Variants in SMOC1 observed in about 807,000 individuals in gnomAD.
The protein encoded by SMOC1 is SPARC related modular calcium binding 1.
SMOC1 carries 22 observed loss-of-function variants against 56.3 expected under a neutral mutation model. The observed-to-expected ratio is 0.39, with a 90% CI of 0.28 to 0.56. The LOEUF (loss-of-function observed/expected upper bound fraction) is 0.56, where lower values mean the gene tolerates loss of function less well. SMOC1 is among the 20% of genes least tolerant of loss of function. SMOC1 has a pLI of 0.61. For missense variants in SMOC1, 509 were observed against 565.4 expected (o/e 0.90, Z 1.01); for synonymous variants, 193 against 215.0 (o/e 0.90, Z 0.89).
intron 7 of SMOC1, among the ~76,000 whole-genome samples, chr14:70,008,086 T>G (rs1421284801): frequency 6.6e-6 from 1 of 152,100 alleles, no homozygotes; most frequent in African/African-American, 2.4e-5. Flanking sequence ...CTATCCCCCA[T>G]TTTTCCAAAT....
At chr14:69,925,763 G>C (rs1233561148) in intron 1 of SMOC1, among the ~76,000 whole-genome samples, 1 of 152,190 alleles carries the variant, frequency 6.6e-6, no homozygotes, top group African/African-American at 2.4e-5. Context: ...ACCTGGAGGG[G>C]TTCACTGTAG....
intron 1 of SMOC1, among the ~76,000 whole-genome samples, chr14:69,882,527 T>C (rs1420576428): frequency 6.6e-6 from 1 of 152,140 alleles, no homozygotes; most frequent in African/African-American, 2.4e-5. Flanking sequence ...AAGCACCTGA[T>C]TTTGGGGTCT....
At chr14:69,993,671 G>A (rs1224433352) in intron 6 of SMOC1, among the ~76,000 whole-genome samples, 1 of 152,208 alleles carries the variant, frequency 6.6e-6, no homozygotes, top group African/African-American at 2.4e-5. Flanking sequence ...ATGTCTAAAA[G>A]TTTAGATGTA....
intron 1 of SMOC1, among the ~76,000 whole-genome samples, chr14:69,894,737 A>G (rs1434498019): frequency 6.6e-6 from 1 of 152,194 alleles, no homozygotes; most frequent in African/African-American, 2.4e-5. Flanking sequence ...TGCTTCATCT[A>G]TTAAGGGGAT....
At chr14:69,977,878 A>G in intron 4 of SMOC1, 40 bp from the exon 5 acceptor site, 1 of 1,595,554 alleles carries the variant, frequency 6.3e-7, no homozygotes, top group Non-Finnish European at 8.6e-7. Flanking sequence ...ACCACAATGC[A>G]TTCTGAGTGG....
intron 9 of SMOC1, among the ~76,000 whole-genome samples, chr14:70,012,305 C>T (rs1885368868): frequency 1.3e-5 from 2 of 152,168 alleles, no homozygotes; most frequent in African/African-American, 4.8e-5. Context: ...GCCAGGGTAC[C>T]CCTTTTAGCT....
At chr14:69,919,942 A>G (rs545810527) in intron 1 of SMOC1, among the ~76,000 whole-genome samples, 21 of 127,556 alleles carry the variant, frequency 1.6e-4, no homozygotes, top group African/African-American at 5.7e-4. Context: ...TGGAGTAGGG[A>G]TAAAAGGCAC....
At chr14:69,890,181 T>C (rs1024727475) in intron 1 of SMOC1, among the ~76,000 whole-genome samples, 3 of 152,230 alleles carry the variant, frequency 2.0e-5, no homozygotes, top group African/African-American at 7.2e-5. Context: ...TCCTTTAGGG[T>C]AGGAGCCTCT....
At chr14:70,010,014 G>A (rs766341657) in intron 7 of SMOC1, among the ~76,000 whole-genome samples, 8 of 152,202 alleles carry the variant, frequency 5.3e-5, no homozygotes, top group Non-Finnish European at 8.8e-5. Flanking sequence ...AGGGCACCAC[G>A]CTCTGTCTCA....
chr14:69,916,636 G>C (rs893516055), intron 1 of SMOC1, among the ~76,000 whole-genome samples: 8 of 152,186 alleles, frequency 5.3e-5, no homozygotes, highest in Non-Finnish European at 1.2e-4. Context: ...TGCCCTTGCT[G>C]TTCCCTCTGT....
chr14:69,990,492 C>A (rs1884522674), intron 5 of SMOC1, among the ~76,000 whole-genome samples: 1 of 152,226 alleles, frequency 6.6e-6, no homozygotes, highest in African/African-American at 2.4e-5. Context: ...GCACACTGTG[C>A]TGGACTATTT....
At chr14:70,000,941 C>A (rs12050076) in intron 7 of SMOC1, among the ~76,000 whole-genome samples, 31,121 of 152,068 alleles carry the variant, frequency 0.2, 3,621 homozygotes, top group East Asian at 0.46. Flanking sequence ...GACGGTGTTA[C>A]TTTTGTGCTG....
intron 1 of SMOC1, among the ~76,000 whole-genome samples, chr14:69,908,356 G>A (rs1426665255): frequency 6.6e-6 from 1 of 152,172 alleles, no homozygotes; most frequent in African/African-American, 2.4e-5. Flanking sequence ...CTGAATCTGC[G>A]TGTGTGCTCA....
At chr14:69,943,171 G>A (rs773206292) in intron 1 of SMOC1, among the ~76,000 whole-genome samples, 1 of 152,210 alleles carries the variant, frequency 6.6e-6, no homozygotes, top group Non-Finnish European at 1.5e-5. Context: ...GGGGGTGTCT[G>A]CTTTCCCTCA....
At chr14:69,900,535 A>G (rs1207938204) in intron 1 of SMOC1, among the ~76,000 whole-genome samples, 2 of 152,178 alleles carry the variant, frequency 1.3e-5, no homozygotes, top group Admixed American at 6.5e-5. Flanking sequence ...CCCTTTGCAC[A>G]TACTAATCCA....
intron 5 of SMOC1, among the ~76,000 whole-genome samples, chr14:69,988,524 TGG>T (rs1009343903): frequency 2.6e-5 from 4 of 152,350 alleles, no homozygotes; most frequent in Admixed American, 2.6e-4. Flanking sequence ...TGTGATGACT[TGG>T]GCACACCTCC....
In SMOC1 at chr14:69,881,338, C is replaced by T. The variant is rs1340738727; in HGVS notation, c.99+1561C>T. Among the ~76,000 whole-genome samples the T allele has an allele frequency of 4.6e-5, 7 of 152,252 alleles. No individual in the cohort carries two copies. The East Asian group carries it at 1.4e-3, about 29-fold the overall frequency. ...CCCGACTGAAATCTGGATGGCCGCCCACAGGAGGGTCGAAAGGAGAGAGGC... is the reference window on the plus strand; with the variant it reads ...CCCGACTGAAATCTGGATGGCCGCCTACAGGAGGGTCGAAAGGAGAGAGGC... On this transcript the variant is annotated intron_variant, in intron 1 of 11. Transcript: ENST00000361956.
At chr14:70,006,195 T>G (rs1246198867) in intron 7 of SMOC1, among the ~76,000 whole-genome samples, 1 of 152,196 alleles carries the variant, frequency 6.6e-6, no homozygotes, top group Non-Finnish European at 1.5e-5. Flanking sequence ...GTGATCTTGA[T>G]CCAATGACTC....
At chr14:69,926,786 G>A (rs1417296254) in intron 1 of SMOC1, among the ~76,000 whole-genome samples, 1 of 152,184 alleles carries the variant, frequency 6.6e-6, no homozygotes, top group South Asian at 2.1e-4. Flanking sequence ...GGTGTGGAAT[G>A]GTGAAAAGTA....
Sources: allele counts gnomAD v4.1 joint callset (sites outside exome capture counted in the v4.1 genomes callset), GRCh38; gene constraint gnomAD v4.1.1; transcripts MANE v1.5; gene names NCBI Gene and HGNC (gene_info 2026-07-23, HGNC 2026-07-21).